POU6F2: variants seen among roughly 807,000 people sequenced by gnomAD.
The protein encoded by POU6F2 is POU class 6 homeobox 2, also known as POU domain, class 6, transcription factor 2.
A neutral mutation model predicts 71.3 loss-of-function variants in POU6F2; 31 were observed. The ratio of observed to expected loss-of-function variants is 0.43; its 90% CI spans 0.33 to 0.59. POU6F2 has a LOEUF of 0.59. Ranked by LOEUF, POU6F2 falls within the 20% of genes least tolerant of loss-of-function variation. The pLI, the probability that POU6F2 is intolerant of heterozygous loss-of-function variation, is 0.04. For missense variants in POU6F2, 783 were observed against 856.8 expected (o/e 0.91, Z 1.07); for synonymous variants, 347 against 355.7 (o/e 0.98, Z 0.27).
intron 2 of POU6F2, among the ~76,000 whole-genome samples, chr7:39,126,096 C>T (rs1792132802): frequency 6.6e-6 from 1 of 152,232 alleles, no homozygotes; most frequent in African/African-American, 2.4e-5. Context: ...GCTTCCATTC[C>T]AGTCTTGCTC....
intron 7 of POU6F2, among the ~76,000 whole-genome samples, chr7:39,443,849 T>C (rs1024515463): frequency 6.6e-6 from 1 of 152,220 alleles, no homozygotes; most frequent in African/African-American, 2.4e-5. Context: ...AGTTTCTCAA[T>C]TTATTTTTTC....
In POU6F2 at chr7:39,085,906, G is replaced by A. The variant is rs775326639; in HGVS notation, c.152G>A (p.Arg51Gln). The A allele has an allele frequency of 1.3e-5, 21 of 1,613,378 alleles. No homozygotes were observed. The highest frequency in any genetic ancestry group is 1.6e-5 in the Non-Finnish European group (19 of 1,179,702). ...GQVSKPLLSV[R>Q]SEMNAELRGE... ...GTCAGTAAGCCCTTGCTGTCAGTGC[G>A]GAGTGAAATGAATGCGGAGTTGAGA... Residue 51 changes from arginine (R) to glutamine (Q), a missense_variant, in exon 2 of 10, where the codon CGG becomes CAG. Arg to Gln is a conservative substitution (Grantham distance 43). Transcript: ENST00000518318.
chr7:39,389,853 A>G (rs1359787071), intron 5 of POU6F2, among the ~76,000 whole-genome samples: 3 of 152,178 alleles, frequency 2.0e-5, no homozygotes, highest in African/African-American at 7.2e-5. Context: ...TTCAAACCCT[A>G]TGACTTTTAA....
intron 4 of POU6F2, among the ~76,000 whole-genome samples, chr7:39,289,668 C>G (rs1014652367): frequency 6.6e-6 from 1 of 152,178 alleles, no homozygotes; most frequent in Non-Finnish European, 1.5e-5. Flanking sequence ...AAAATGTATA[C>G]AGTCAGTTTT....
chr7:39,208,583 A>C (rs1394812382), intron 4 of POU6F2, among the ~76,000 whole-genome samples: 1 of 152,184 alleles, frequency 6.6e-6, no homozygotes, highest in African/African-American at 2.4e-5. Context: ...CCAAGTAAGA[A>C]CTGTTCACTC....
intron 4 of POU6F2, among the ~76,000 whole-genome samples, chr7:39,288,873 C>T (rs572915203): frequency 2.0e-5 from 3 of 152,138 alleles, no homozygotes; most frequent in South Asian, 2.1e-4. Flanking sequence ...GCTCTTCAGC[C>T]TCTGCCTATT....
chr7:39,293,630 G>A (rs1784802354), intron 4 of POU6F2, among the ~76,000 whole-genome samples: 2 of 152,208 alleles, frequency 1.3e-5, no homozygotes, highest in Non-Finnish European at 2.9e-5. Context: ...TCACTGGACT[G>A]TGTGTGAACC....
intron 1 of POU6F2, among the ~76,000 whole-genome samples, chr7:39,074,033 C>T (rs1196532493): frequency 2.0e-5 from 3 of 152,152 alleles, no homozygotes; most frequent in Admixed American, 1.3e-4. Context: ...TCTCAAAAGA[C>T]TTCTGAGTAA....
In POU6F2 at chr7:39,431,076, G is replaced by A. The variant is rs117469321; in HGVS notation, c.1114-2001G>A. ...CTTGCTATGATCTATTGATGTGGAC[G>A]CCTCCTGACCTTGCCCACACTGATG... On this transcript the variant is annotated intron_variant, in intron 6 of 9. Coordinates refer to ENST00000518318, the MANE Select transcript of POU6F2 (RefSeq NM_001370959.1). Among the ~76,000 whole-genome samples the A allele has an allele frequency of 5.9e-3, 894 of 152,204 alleles. 10 individuals are homozygous for A. Among genetic ancestry groups the A allele is most frequent in the South Asian group, 0.03 (145 of 4,810 alleles).
chr7:39,064,827 TA>T (rs1790724983), intron 1 of POU6F2, among the ~76,000 whole-genome samples: 1 of 151,856 alleles, frequency 6.6e-6, no homozygotes, highest in African/African-American at 2.4e-5. Flanking sequence ...CAAAAAGTAC[TA>T]AATGATAAAA....
At chr7:39,386,083 A>G (rs901905675) in intron 5 of POU6F2, among the ~76,000 whole-genome samples, 10 of 146,128 alleles carry the variant, frequency 6.8e-5, no homozygotes, top group South Asian at 2.2e-4. Context: ...GCACCACTGC[A>G]CTCCAGCCTG....
chr7:39,065,124 T>C (rs369603186), intron 1 of POU6F2, among the ~76,000 whole-genome samples: 3 of 151,920 alleles, frequency 2.0e-5, no homozygotes, highest in East Asian at 3.9e-4. Context: ...TACGTATCTG[T>C]AGATCATTTA....
Position 39,313,868 on chromosome 7 carries a change from G to T in POU6F2, c.599-25774G>T, listed in dbSNP as rs577426210. Among the ~76,000 whole-genome samples, 8 of 152,264 alleles carry T rather than the reference G, an allele frequency of 5.3e-5. No individual in the cohort carries two copies. The East Asian group carries it at 1.5e-3, about 29-fold the overall frequency. The stretch of plus-strand genomic sequence containing the variant: ...CGTCAGAGCTAATGATAAAATCAGC[G>T]TCTTCATAAATGCTGAGCTTCCCTG... On this transcript the variant is annotated intron_variant, in intron 4 of 9. Coordinates refer to ENST00000518318, the MANE Select transcript of POU6F2 (RefSeq NM_001370959.1).
At chr7:39,037,807 G>A (rs992439919) in intron 1 of POU6F2, among the ~76,000 whole-genome samples, 7 of 152,086 alleles carry the variant, frequency 4.6e-5, no homozygotes, top group African/African-American at 1.7e-4. Context: ...CGGCCTGATT[G>A]TTTAGCACTA....
At chr7:39,034,427 G>T (rs1321400134) in intron 1 of POU6F2, 1 of 386,978 alleles carries the variant, frequency 2.6e-6, no homozygotes, top group Admixed American at 2.6e-5. Context: ...TGCACCTGAA[G>T]TGTTCTCGGC....
intron 4 of POU6F2, among the ~76,000 whole-genome samples, chr7:39,221,987 G>T: frequency 6.6e-6 from 1 of 150,814 alleles, no homozygotes; most frequent in African/African-American, 2.4e-5. Context: ...TTTTTTTCTG[G>T]GATTAAAAAA....
At chr7:39,232,161 C>T (rs1347494438) in intron 4 of POU6F2, among the ~76,000 whole-genome samples, 1 of 151,900 alleles carries the variant, frequency 6.6e-6, no homozygotes. Context: ...TATAAATATT[C>T]AACAATTTTA....
intron 2 of POU6F2, among the ~76,000 whole-genome samples, chr7:39,086,772 C>T (rs1188048914): frequency 6.6e-6 from 1 of 152,140 alleles, no homozygotes; most frequent in African/African-American, 2.4e-5. Context: ...ACAGATGACA[C>T]TCTGTAAGCC....
chr7:39,127,222 T>C (rs1792157062), intron 2 of POU6F2, among the ~76,000 whole-genome samples: 1 of 152,224 alleles, frequency 6.6e-6, no homozygotes, highest in South Asian at 2.1e-4. Context: ...ACGTTTTAAG[T>C]GCTCAGTAGC....
Sources: allele counts gnomAD v4.1 joint callset (sites outside exome capture counted in the v4.1 genomes callset), GRCh38; gene constraint gnomAD v4.1.1; transcripts MANE v1.5; gene names NCBI Gene and HGNC (gene_info 2026-07-23, HGNC 2026-07-21).